Variants in UPRT observed in about 807,000 individuals in gnomAD.
The protein encoded by UPRT is uracil phosphoribosyltransferase homolog.
In UPRT, 5 loss-of-function variants were observed where a neutral mutation model predicts 22.6. The observed-to-expected ratio is 0.22, with a 90% confidence interval of 0.12 to 0.47. UPRT has a LOEUF of 0.47. Among genes scored for constraint, UPRT ranks in the 20% least tolerant of loss-of-function variants. The pLI is 0.99. For missense variants in UPRT, 181 were observed against 239.9 expected, an observed-to-expected ratio of 0.75 and a Z score of 1.62; for synonymous variants, 77 against 87.7, an observed-to-expected ratio of 0.88 and a Z score of 0.68.
chrX:75,177,800 G>A (rs1254478796), intron 4 of UPRT, among the ~76,000 whole-genome samples: 1 of 111,930 alleles, frequency 8.9e-6, no homozygotes, highest in African/African-American at 3.3e-5. Context: ...CGATTGGTGA[G>A]CCCAGGTGCC....
At chrX:75,300,756 C>G in intron 5 of UPRT, 111 bp from the exon 6 acceptor site, 1 of 579,873 alleles carries the variant, frequency 1.7e-6, no homozygotes. Context: ...CACTGCACTC[C>G]AGCCTGAGTG....
intron 4 of UPRT, among the ~76,000 whole-genome samples, chrX:75,261,181 A>C (rs747586458): frequency 8.9e-6 from 1 of 111,808 alleles, no homozygotes; most frequent in Admixed American, 9.5e-5. Context: ...CCCTAACATC[A>C]CAATTAAAAG....
chrX:75,261,043 C>G, intron 4 of UPRT, among the ~76,000 whole-genome samples: 2 of 111,972 alleles, frequency 1.8e-5, no homozygotes, highest in South Asian at 7.4e-4. Context: ...TAAAGATGTT[C>G]TTTGAAACCA....
rs538250534 is a variant in UPRT, at chrX:75,162,736, G to C, written c.-614-396G>C. Among the ~76,000 whole-genome samples the C allele has an allele frequency of 3.6e-5, 4 of 111,190 alleles. No homozygotes were observed. In the South Asian group the frequency reaches 1.5e-3, roughly 43 times the overall value. On this transcript the variant is annotated intron_variant, in intron 2 of 13. Coordinates refer to the UPRT transcript ENST00000652605. ...ATCATTATTTACTTTATGTTTGAGG[G>C]AGCCTCTCTGGCAGAATCAGATTTT... is the stretch of plus-strand genomic sequence containing the variant.
At chrX:75,294,701 C>T in intron 2 of UPRT, 5 of 645,946 alleles carry the variant, frequency 7.7e-6, no homozygotes, top group South Asian at 6.9e-5. Flanking sequence ...TAGATAGTAA[C>T]AAGATAAATG....
At chrX:75,214,419 C>T (rs1275434445) in intron 4 of UPRT, among the ~76,000 whole-genome samples, 2 of 112,840 alleles carry the variant, frequency 1.8e-5, no homozygotes, top group African/African-American at 6.4e-5. Context: ...ACAAATACTA[C>T]ATAATACCAC....
intron 4 of UPRT, among the ~76,000 whole-genome samples, chrX:75,232,496 C>G (rs1440544903): frequency 8.9e-6 from 1 of 112,700 alleles, no homozygotes; most frequent in Non-Finnish European, 1.9e-5. Context: ...AGGGCACAAA[C>G]AAAAAGACAG....
intron 2 of UPRT, among the ~76,000 whole-genome samples, chrX:75,162,276 T>C (rs113211029): frequency 1.4e-4 from 15 of 110,792 alleles, no homozygotes; most frequent in Non-Finnish European, 2.8e-4. Context: ...TCAAGTCTCT[T>C]GAAGATCTAA....
In UPRT at chrX:75,303,687, C is replaced by T. The variant is rs2082752167; in HGVS notation, c.*176C>T. On this transcript the variant is annotated 3_prime_UTR_variant, in exon 7 of 7. Coordinates refer to ENST00000373383, the MANE Select transcript of UPRT (RefSeq NM_145052.4). ...TTAGTTATTTGTTTACTGTTGGCAC[C>T]GAATTCAACAATGAAGTATATGCAA... 2 of 353,269 alleles carry T rather than the reference C, an allele frequency of 5.7e-6. No homozygotes were observed. Among genetic ancestry groups the T allele is most frequent in the Non-Finnish European group, 9.7e-6 (2 of 205,834 alleles). The allele number at this position is 353,269 out of a possible 1,213,427, so 29.1% of individuals were successfully genotyped here. A position where few individuals can be genotyped will look rare whatever the true frequency, so the allele number is the denominator to read the frequency against.
intron 4 of UPRT, among the ~76,000 whole-genome samples, chrX:75,192,104 C>T (rs1208379426): frequency 2.7e-5 from 3 of 111,733 alleles, no homozygotes; most frequent in South Asian, 3.8e-4. Context: ...CTTGGAACCG[C>T]GTATAACCTT....
chrX:75,202,737 A>C (rs2082350364), intron 4 of UPRT: 1 of 112,085 alleles, frequency 8.9e-6, no homozygotes, highest in Admixed American at 9.5e-5. Context: ...CTAAAATTGG[A>C]AAGATACAGA....
chrX:75,180,681 G>GTTTTTTTTTTTTGTTTTTTTTTTTTTTT (rs2082266200), intron 4 of UPRT, among the ~76,000 whole-genome samples: 21 of 43,905 alleles, frequency 4.8e-4, no homozygotes, highest in African/African-American at 9.2e-4. Context: ...CCTTTTCTCT[G>GTTTTTTTTTTTTGTTTTTTTTTTTTTTT]TTTTTTTTTT....
chrX:75,284,009 G>A (rs2082669623), intron 1 of UPRT, among the ~76,000 whole-genome samples: 1 of 110,827 alleles, frequency 9.0e-6, no homozygotes, highest in African/African-American at 3.3e-5. Context: ...TTTTTTCTTT[G>A]TCTTTGTTGG....
At chrX:75,206,584 C>T (rs766911062) in intron 4 of UPRT, among the ~76,000 whole-genome samples, 16 of 111,227 alleles carry the variant, frequency 1.4e-4, no homozygotes, top group Non-Finnish European at 2.5e-4. Flanking sequence ...GAACTATTTT[C>T]CTTCCTGAAC....
chrX:75,239,469 A>G (rs1445133871), intron 4 of UPRT, among the ~76,000 whole-genome samples: 1 of 111,490 alleles, frequency 9.0e-6, no homozygotes, highest in Non-Finnish European at 1.9e-5. Flanking sequence ...AAAATTGCCA[A>G]CAACAAAAAG....
intron 4 of UPRT, among the ~76,000 whole-genome samples, chrX:75,218,892 G>A (rs1193718055): frequency 1.8e-5 from 2 of 110,037 alleles, no homozygotes. Context: ...CTGTTGTGGG[G>A]TGGGGGAACG....
At chrX:75,273,588 G>A (rs913059193), upstream of UPRT, among the ~76,000 whole-genome samples, 1 of 111,285 alleles carries the variant, frequency 9.0e-6, no homozygotes, top group African/African-American at 3.3e-5. Context: ...CCATGACAAC[G>A]TGTACACTGT....
rs746275632 is a variant in UPRT, at chrX:75,232,086, C to T, written c.-446-58938C>T. Among the ~76,000 whole-genome samples, 15 of 111,521 alleles carry T rather than the reference C, an allele frequency of 1.3e-4. No individual in the cohort carries two copies. The South Asian group carries it at 4.9e-3, about 37-fold the overall frequency. The stretch of plus-strand genomic sequence containing the variant: ...GGCGCAGGTCAGTGGGTGAACTCAC[C>T]ATGCATGAGCCGAAGCAGGGCGAGG... On this transcript the variant is annotated intron_variant, in intron 4 of 13. Transcript: ENST00000652605.
chrX:75,297,779 C>A, intron 4 of UPRT: 1 of 383,668 alleles, frequency 2.6e-6, no homozygotes, highest in Non-Finnish European at 4.5e-6. Context: ...CTCCCATGGG[C>A]AAGCCAGCTT....
Sources: allele counts gnomAD v4.1 joint callset (sites outside exome capture counted in the v4.1 genomes callset), GRCh38; gene constraint gnomAD v4.1.1; transcripts MANE v1.5; gene names NCBI Gene and HGNC (gene_info 2026-07-23, HGNC 2026-07-21).